Variants in PDXDC1 observed in about 807,000 individuals in gnomAD.
PDXDC1 encodes pyridoxal dependent decarboxylase domain containing 1.
In PDXDC1, 42 loss-of-function variants were observed where a neutral mutation model predicts 100.1. The ratio of observed to expected loss-of-function variants is 0.42; its 90% CI spans 0.33 to 0.54. The LOEUF is 0.54. PDXDC1 is among the 20% of genes least tolerant of loss of function. PDXDC1 has a pLI of 0.10. For synonymous variants in PDXDC1, 260 were observed against 371.7 expected, an observed-to-expected ratio of 0.70 and a Z score of 3.46; for missense variants, 636 against 979.2, an observed-to-expected ratio of 0.65 and a Z score of 4.68.
intron 16 of PDXDC1, among the ~76,000 whole-genome samples, chr16:15,080,262 G>C (rs549992334): frequency 6.6e-6 from 1 of 151,916 alleles, no homozygotes; most frequent in Non-Finnish European, 1.5e-5. Flanking sequence ...TATTATGTTC[G>C]GTATAATCAT....
chr16:15,132,516 T>TC (rs2048154734), intron 16 of PDXDC1, among the ~76,000 whole-genome samples: 1 of 149,202 alleles, frequency 6.7e-6, no homozygotes, highest in Non-Finnish European at 1.5e-5. Flanking sequence ...ACACCCTGGG[T>TC]CCCCCGAGAG....
intron 16 of PDXDC1, among the ~76,000 whole-genome samples, chr16:15,084,157 T>A (rs2045819882): frequency 6.6e-6 from 1 of 152,234 alleles, no homozygotes; most frequent in Non-Finnish European, 1.5e-5. Context: ...TTTGCTGACA[T>A]TTCCCACTAC....
chr16:15,110,211 C>A (rs1467937647), intron 16 of PDXDC1, among the ~76,000 whole-genome samples: 7 of 148,616 alleles, frequency 4.7e-5, no homozygotes, highest in Admixed American at 6.7e-5. Flanking sequence ...AACTCCTCTT[C>A]CCCTGAAAAA....
chr16:15,131,679 G>A (rs2048068541), intron 16 of PDXDC1: 8 of 1,560,618 alleles, frequency 5.1e-6, no homozygotes, highest in South Asian at 2.3e-5. Context: ...GTGCCCGCAC[G>A]TCTGAGCTGG....
rs1028005994 is a variant in PDXDC1, at chr16:15,037,750, C to T, written c.*1475C>T. 20 of 303,946 alleles carry T rather than the reference C, an allele frequency of 6.6e-5. No homozygotes were observed. The highest frequency in any genetic ancestry group is 9.2e-4 in the Middle Eastern group (1 of 1,092). 18.8% of individuals were successfully genotyped at this position (303,946 alleles called of 1,614,324 possible). On this transcript the variant is annotated 3_prime_UTR_variant, in exon 23 of 23. Transcript: ENST00000396410. Reference sequence around the variant, plus strand: ...TTACCCACGTACCTGAAATAGCTGCCGATAGACCAGTGAGAGGTAGGTTCT... The same window carrying T: ...TTACCCACGTACCTGAAATAGCTGCTGATAGACCAGTGAGAGGTAGGTTCT...
intron 16 of PDXDC1, among the ~76,000 whole-genome samples, chr16:15,129,417 C>T (rs539689602): frequency 1.3e-5 from 2 of 152,056 alleles, no homozygotes; most frequent in Non-Finnish European, 2.9e-5. Flanking sequence ...CCAGCCTGGG[C>T]AACAGAGCGA....
intron 16 of PDXDC1, chr16:15,135,673 C>T (rs182656278): frequency 1.9e-6 from 3 of 1,596,830 alleles, no homozygotes; most frequent in Non-Finnish European, 1.7e-6. Context: ...CACAGGCCCA[C>T]TGGAAACTGA....
Position 14,984,500 on chromosome 16 carries a change from T to A in PDXDC1, c.21+9280T>A, listed in dbSNP as rs1277441326. ...ACATATATATATATATATATATTTTTTTTTTTTTTTTTTCTGAGACGGACT... is the reference window on the plus strand; with the variant it reads ...ACATATATATATATATATATATTTTATTTTTTTTTTTTTCTGAGACGGACT... On this transcript the variant is annotated intron_variant, in intron 1 of 22. Transcript: ENST00000396410. Among the ~76,000 whole-genome samples, 147 of 137,148 alleles carry A rather than the reference T, an allele frequency of 1.1e-3. 3 individuals are homozygous for A. Among genetic ancestry groups the A allele is most frequent in the East Asian group, 8.8e-3 (33 of 3,734 alleles). The allele number at this position is 137,148 out of a possible 152,430, so 90.0% of individuals were successfully genotyped here.
In PDXDC1 at chr16:15,037,649, T is replaced by C. The variant is rs2043557756; in HGVS notation, c.*1374T>C. 2 of 163,262 alleles carry C rather than the reference T, an allele frequency of 1.2e-5. No individual in the cohort carries two copies. The allele number at this position is 163,262 out of a possible 1,614,324, so 10.1% of individuals were successfully genotyped here. A position where few individuals can be genotyped will look rare whatever the true frequency, so the allele number is the denominator to read the frequency against. ...GAAACATTTCACCCTTGAGATATTATTTGAATGTTGGTTTCAATAAAGGTT... is the reference window on the plus strand; with the variant it reads ...GAAACATTTCACCCTTGAGATATTACTTGAATGTTGGTTTCAATAAAGGTT... On this transcript the variant is annotated 3_prime_UTR_variant, in exon 23 of 23. Coordinates refer to ENST00000396410, the MANE Select transcript of PDXDC1 (RefSeq NM_015027.4).
At chr16:15,032,038 G>A (rs1010406323) in intron 17 of PDXDC1, 132 bp downstream of exon 17, 75 of 789,840 alleles carry the variant, frequency 9.5e-5, no homozygotes, top group Non-Finnish European at 1.3e-4. Flanking sequence ...AATGCAACTC[G>A]GTTTTCTGGG....
chr16:15,123,231 C>T (rs2047527231), intron 16 of PDXDC1, among the ~76,000 whole-genome samples: 1 of 151,636 alleles, frequency 6.6e-6, no homozygotes, highest in East Asian at 2.0e-4. Context: ...ATGACCCCTC[C>T]CCCATCTCAG....
At position 15,104,586 on chromosome 16, in the gene PDXDC1, T is replaced by G. The variant is rs769740284; in HGVS notation, c.1400-34293T>G. ...ATCATCCGCTGAGGGTGGAAGGGGA[T>G]AGAGCAGACACTCCGCAGGTGTCTT... On this transcript the variant is annotated intron_variant, in intron 16 of 16. Transcript: ENST00000535621. The G allele has an allele frequency of 2.6e-5, 41 of 1,599,304 alleles. 1 individual carries two copies. The highest frequency in any genetic ancestry group is 2.1e-4 in the South Asian group (19 of 90,958).
intron 16 of PDXDC1, among the ~76,000 whole-genome samples, chr16:15,089,786 CAAAAAAA>C (rs142235345): frequency 7.5e-5 from 5 of 66,568 alleles, no homozygotes; most frequent in African/African-American, 7.0e-5. Flanking sequence ...GGCGACAGAG[CAAAAAAA>C]AAAAAAAAAA....
intron 16 of PDXDC1, among the ~76,000 whole-genome samples, chr16:15,129,545 CGTCT>C (rs2047940174): frequency 6.6e-6 from 1 of 152,216 alleles, no homozygotes; most frequent in African/African-American, 2.4e-5. Context: ...CTGGCGCCTC[CGTCT>C]GAGAGACGAG....
the PDXDC1 span, among the ~76,000 whole-genome samples, chr16:15,145,534 A>G: frequency 1.2e-4 from 18 of 152,346 alleles, no homozygotes; most frequent in South Asian, 3.3e-3. Flanking sequence ...TCTTCAGATC[A>G]TGGCGCTGCT....
At chr16:14,989,120 T>C (rs1970101433) in intron 1 of PDXDC1, 1 of 1,614,292 alleles carries the variant, frequency 6.2e-7, no homozygotes, top group Admixed American at 1.7e-5. Flanking sequence ...TGATCTTCAT[T>C]TCCACTCCTG....
intron 16 of PDXDC1, among the ~76,000 whole-genome samples, chr16:15,031,137 C>CTTTTTTTTTTT (rs1270155714): frequency 8.8e-6 from 1 of 114,212 alleles, no homozygotes; most frequent in African/African-American, 3.2e-5. Flanking sequence ...TTTTTTTTTC[C>CTTTTTTTTTTT]ATAGAGACGT....
In PDXDC1 at chr16:15,037,774, CTCCTCTGCCCG is replaced by C. The variant is rs1308468544; in HGVS notation, c.*1501_*1511del. ...CCGATAGACCAGTGAGAGGTAGGTT[CTCCTCTGCCCG>C]TTATTACCGACCAAAAAAAAAACTG... On this transcript the variant is annotated 3_prime_UTR_variant, in exon 23 of 23. Coordinates refer to ENST00000396410, the MANE Select transcript of PDXDC1 (RefSeq NM_015027.4). The C allele has an allele frequency of 5.4e-6, 2 of 371,224 alleles. No individual in the cohort carries two copies. The highest frequency in any genetic ancestry group is 4.1e-5 in the African/African-American group (2 of 48,494). 23.0% of individuals were successfully genotyped at this position (371,224 alleles called of 1,614,324 possible).
At chr16:15,143,578 G>T (rs2048507635), downstream of PDXDC1, among the ~76,000 whole-genome samples, 2 of 152,312 alleles carry the variant, frequency 1.3e-5, no homozygotes, top group Middle Eastern at 3.4e-3. Context: ...TCTGCCCACA[G>T]TTGGCGCGAG....
Sources: gnomAD v4.1 joint callset for allele counts (sites outside exome capture counted in the v4.1 genomes callset) on GRCh38, gnomAD v4.1.1 for gene constraint, MANE v1.5 for transcripts, NCBI Gene and HGNC (gene_info 2026-07-23, HGNC 2026-07-21) for gene names.